The following DNAH14 variants were observed in gnomAD, a reference collection of about 807,000 sequenced individuals.
The protein encoded by DNAH14 is axonemal beta dynein heavy chain 14.
DNAH14 carries 478 observed loss-of-function variants against 520.9 expected under a neutral mutation model. That is an observed-to-expected ratio of 0.92 (90% CI 0.85 to 0.99). DNAH14 has a LOEUF of 0.99. DNAH14 is among the 50% of genes least tolerant of loss of function. DNAH14 has a pLI of 0.00. For missense variants in DNAH14, 4,831 were observed against 5,234.5 expected, an observed-to-expected ratio of 0.92 and a Z score of 2.38; for synonymous variants, 1,581 against 1,757.2, an observed-to-expected ratio of 0.90 and a Z score of 2.51.
intron 54 of DNAH14, among the ~76,000 whole-genome samples, chr1:225,285,186 G>A (rs1275936066): frequency 1.3e-5 from 2 of 152,184 alleles, no homozygotes; most frequent in African/African-American, 4.8e-5. Context: ...AATAAAGGGA[G>A]CAAGCCCATC....
Position 225,252,362 on chromosome 1 carries a change from T to A in DNAH14, c.6810T>A (p.Cys2270Ter). The A allele has an allele frequency of 6.5e-7, 1 of 1,550,070 alleles. No individual in the cohort carries two copies. The highest frequency in any genetic ancestry group is 8.7e-7 in the Non-Finnish European group (1 of 1,146,050). Reference sequence around the variant, plus strand: ...GATATTTTGTGGATATAGAGCAATGTGAATTCATACCTTGGTCAGATTTAG... The same window carrying A: ...GATATTTTGTGGATATAGAGCAATGAGAATTCATACCTTGGTCAGATTTAG... The part of the protein sequence containing the change: ...IFGYFVDIEQ[C>*]EFIPWSDLVP... Residue 2270 changes from cysteine (C) to a stop codon, truncating the protein, a stop_gained, in exon 44 of 86, where the codon TGT (cysteine) becomes TGA (stop). Coordinates refer to ENST00000682510, the MANE Select transcript of DNAH14 (RefSeq NM_001367479.1). LOFTEE classifies it high-confidence loss of function.
rs958223615 is a variant in DNAH14, at chr1:225,240,952, A to G, written c.6748+130A>G. 5 of 685,942 alleles carry G rather than the reference A, an allele frequency of 7.3e-6. No individual in the cohort carries two copies. In the African/African-American group the frequency reaches 9.0e-5, roughly 12 times the overall value. 42.5% of individuals were successfully genotyped at this position (685,942 alleles called of 1,614,324 possible). On this transcript the variant is annotated intron_variant, in intron 43 of 85. Transcript: ENST00000682510. ...GAAGGAAAAAGAAGGTTTATAATAT[A>G]CCCAATACCCTCATTATAGTGAAAG... is the stretch of plus-strand genomic sequence containing the variant.
At chr1:225,244,790 C>CA (rs1294651626) in intron 43 of DNAH14, among the ~76,000 whole-genome samples, 1 of 151,888 alleles carries the variant, frequency 6.6e-6, no homozygotes, top group Non-Finnish European at 1.5e-5. Context: ...TTAATCTTTT[C>CA]AAAAAAACAG....
At chr1:224,942,066 G>A (rs2059456769) in intron 1 of DNAH14, among the ~76,000 whole-genome samples, 1 of 152,124 alleles carries the variant, frequency 6.6e-6, no homozygotes, top group South Asian at 2.1e-4. Context: ...TAGCTTGATG[G>A]GGATGGCATT....
intron 3 of DNAH14, among the ~76,000 whole-genome samples, chr1:224,957,999 A>G (rs2060618380): frequency 6.6e-6 from 1 of 152,120 alleles, no homozygotes; most frequent in African/African-American, 2.4e-5. Context: ...TCTAAACAAA[A>G]TGTGGAAAGG....
At chr1:225,142,681 C>G (rs2079562349) in intron 28 of DNAH14, among the ~76,000 whole-genome samples, 1 of 152,172 alleles carries the variant, frequency 6.6e-6, no homozygotes, top group Non-Finnish European at 1.5e-5. Context: ...GTAATCCCAG[C>G]TCTTTGGGAG....
intron 10 of DNAH14, among the ~76,000 whole-genome samples, chr1:225,008,335 T>C (rs1208688998): frequency 1.3e-5 from 2 of 152,166 alleles, no homozygotes; most frequent in East Asian, 3.9e-4. Context: ...TAATGGGCAT[T>C]TGGATTGGTT....
chr1:225,388,317 T>A (rs2095865027), intron 81 of DNAH14, 62 bp from the exon 82 acceptor site: 7 of 975,778 alleles, frequency 7.2e-6, no homozygotes, highest in Non-Finnish European at 9.2e-6. Flanking sequence ...TTTGCAGAAA[T>A]GTTCCTAATG....
At chr1:225,053,147 T>C (rs768036889) in intron 17 of DNAH14, among the ~76,000 whole-genome samples, 4 of 152,084 alleles carry the variant, frequency 2.6e-5, no homozygotes, top group Non-Finnish European at 5.9e-5. Flanking sequence ...CTGAGAACAG[T>C]AGTCTTTTAA....
In DNAH14 at chr1:224,980,018, T is replaced by C. The variant is rs574200644; in HGVS notation, c.830+5865T>C. Among the ~76,000 whole-genome samples, 4 of 152,270 alleles carry C rather than the reference T, an allele frequency of 2.6e-5. No individual in the cohort carries two copies. The East Asian group carries it at 7.7e-4, about 29-fold the overall frequency. Reference sequence around the variant, plus strand: ...CCAGGTAGTACACTATGGCCTTGGGTGAGACTCAAACATGCTGGCTTCAGG... The same window carrying C: ...CCAGGTAGTACACTATGGCCTTGGGCGAGACTCAAACATGCTGGCTTCAGG... On this transcript the variant is annotated intron_variant, in intron 8 of 85. Coordinates refer to ENST00000682510, the MANE Select transcript of DNAH14 (RefSeq NM_001367479.1).
intron 64 of DNAH14, 80 bp downstream of exon 64, chr1:225,324,912 A>T: frequency 9.7e-7 from 1 of 1,030,852 alleles, no homozygotes; most frequent in Non-Finnish European, 1.4e-6. Flanking sequence ...TATCAGTTTC[A>T]GATAAGATGG....
intron 7 of DNAH14, among the ~76,000 whole-genome samples, chr1:224,971,004 A>G (rs1375752561): frequency 3.9e-5 from 6 of 152,242 alleles, no homozygotes; most frequent in African/African-American, 1.4e-4. Flanking sequence ...GCAAATAGGT[A>G]AAATATTGAG....
chr1:225,199,051 T>C (rs1284242347), intron 38 of DNAH14, among the ~76,000 whole-genome samples: 2 of 152,186 alleles, frequency 1.3e-5, no homozygotes, highest in Non-Finnish European at 2.9e-5. Flanking sequence ...GGTATCTAAT[T>C]CTTCCTTATT....
chr1:224,979,876 A>C (rs978308221), intron 8 of DNAH14, among the ~76,000 whole-genome samples: 1 of 152,298 alleles, frequency 6.6e-6, no homozygotes, highest in Middle Eastern at 3.4e-3. Flanking sequence ...AGACATTTAT[A>C]GACATACCCT....
chr1:225,171,951 G>T (rs1342646728), intron 36 of DNAH14, among the ~76,000 whole-genome samples: 1 of 152,150 alleles, frequency 6.6e-6, no homozygotes, highest in South Asian at 2.1e-4. Context: ...GGGATGCAAG[G>T]CTGGTTCATC....
intron 23 of DNAH14, among the ~76,000 whole-genome samples, chr1:225,111,431 G>A (rs1354327841): frequency 2.0e-5 from 3 of 151,956 alleles, no homozygotes; most frequent in Non-Finnish European, 2.9e-5. Flanking sequence ...TCTAATTTGT[G>A]TGATATAAAT....
At chr1:225,173,424 A>G (rs1007537307) in intron 36 of DNAH14, among the ~76,000 whole-genome samples, 4 of 152,188 alleles carry the variant, frequency 2.6e-5, no homozygotes, top group African/African-American at 9.6e-5. Context: ...AAAAGAACAA[A>G]CAGCCCCATC....
intron 54 of DNAH14, among the ~76,000 whole-genome samples, chr1:225,283,361 C>A: frequency 6.6e-6 from 1 of 150,706 alleles, no homozygotes; most frequent in African/African-American, 2.4e-5. Context: ...AAACAATTAC[C>A]ACAAGAAAGT....
At chr1:225,184,649 T>A (rs576525686) in intron 36 of DNAH14, among the ~76,000 whole-genome samples, 15 of 151,698 alleles carry the variant, frequency 9.9e-5, no homozygotes, top group African/African-American at 3.4e-4. Flanking sequence ...ACAAAACATA[T>A]GATTGTCTCA....
Sources: allele counts gnomAD v4.1 joint callset (sites outside exome capture counted in the v4.1 genomes callset), GRCh38; gene constraint gnomAD v4.1.1; transcripts MANE v1.5; gene names NCBI Gene and HGNC (gene_info 2026-07-23, HGNC 2026-07-21).